DNAAF2: variants seen among roughly 807,000 people sequenced by gnomAD.
The protein encoded by DNAAF2 is protein kintoun.
In DNAAF2, 58 loss-of-function variants were observed where a neutral mutation model predicts 48.8. The observed-to-expected ratio is 1.19, with a 90% confidence interval of 0.96 to 1.48. The LOEUF is 1.48. DNAAF2 is among the 40% of genes most tolerant of loss of function. The probability of loss-of-function intolerance (pLI) is 0.00; values close to 1 mark genes in which losing one functional copy is unlikely to be tolerated. For synonymous variants in DNAAF2, 567 were observed against 481.2 expected (o/e 1.18, Z -2.33); for missense variants, 1,241 against 1,116.1 (o/e 1.11, Z -1.59).
chr14:49,635,170 C>T lies in DNAAF2; in HGVS notation c.-21G>A. 1 of 1,551,186 alleles carries T rather than the reference C, an allele frequency of 6.4e-7. No individual in the cohort carries two copies. Among genetic ancestry groups the T allele is most frequent in the South Asian group, 1.2e-5 (1 of 84,102 alleles). On this transcript the variant is annotated 5_prime_UTR_variant, in exon 1 of 3. Coordinates refer to ENST00000298292, the MANE Select transcript of DNAAF2 (RefSeq NM_018139.3). ...GCCATACTGTCCTGTGGCTCCTCGC[C>T]CTCGGGCCAAAGGCGATCAGTCTGA...
Position 49,634,453 on chromosome 14 carries a change from C to T in DNAAF2, c.697G>A (p.Ala233Thr), listed in dbSNP as rs761407249. ...GGGGAGGGCGCCCGGGGCCCGGGGGCTGCCGGGTACTGGTAAGGGTAGGGG... is the reference window on the plus strand; with the variant it reads ...GGGGAGGGCGCCCGGGGCCCGGGGGTTGCCGGGTACTGGTAAGGGTAGGGG... ...DFPYPYQYPA[A>T]PGPRAPSPPE... The change falls in exon 1 of 3, where the codon GCC becomes ACC. Residue 233 changes from alanine (A) to threonine (T), a missense_variant. Physicochemically the swap from Ala to Thr is moderately conservative, Grantham distance 58. Coordinates refer to ENST00000298292, the MANE Select transcript of DNAAF2 (RefSeq NM_018139.3). The T allele has an allele frequency of 2.1e-5, 33 of 1,557,856 alleles. No individual in the cohort carries two copies. The highest frequency in any genetic ancestry group is 2.5e-5 in the Non-Finnish European group (29 of 1,155,438).
In DNAAF2 at chr14:49,634,281, G is replaced by A; in HGVS notation, c.869C>T (p.Pro290Leu). 8.7e-6 allele frequency: 14 copies of A among 1,612,190 alleles called. No individual in the cohort carries two copies. Among genetic ancestry groups the A allele is most frequent in the Non-Finnish European group, 1.1e-5 (13 of 1,179,788 alleles). The change falls in exon 1 of 3, where the codon CCG (proline) becomes CTG (leucine). Residue 290 changes from proline to leucine, a missense_variant. By Grantham distance (98) the Pro-to-Leu change is moderately conservative. Coordinates refer to ENST00000298292, the MANE Select transcript of DNAAF2 (RefSeq NM_018139.3). ...PHELVITIEL[P>L]LLRSAEQAAL... ...CGCCTGCTCGGCCGAGCGCAACAGC[G>A]GCAGTTCGATGGTGATCACCAGCTC...
At position 49,625,846 on chromosome 14, in the gene DNAAF2, T is replaced by C. The variant is rs1464478551; in HGVS notation, c.2210A>G (p.Gln737Arg). Residue 737 changes from glutamine (Q) to arginine (R), a missense_variant, in exon 3 of 3, where the codon CAA becomes CGA. By Grantham distance (43) the Gln-to-Arg change is conservative. Coordinates refer to ENST00000298292, the MANE Select transcript of DNAAF2 (RefSeq NM_018139.3). ...CFQQESLDVSQMILGKSQQPE... is the reference protein window; with the variant it reads ...CFQQESLDVSRMILGKSQQPE... ...TTGCTGAGATTTTCCAAGTATCATT[T>C]GAGAAACATCAAGAGACTCTTGTTG... 6.2e-7 allele frequency: 1 copy of C among 1,609,926 alleles called. No individual in the cohort carries two copies. The highest frequency in any genetic ancestry group is 8.5e-7 in the Non-Finnish European group (1 of 1,178,868).
At chr14:49,626,864 G>A (rs1439422664) in intron 2 of DNAAF2, among the ~76,000 whole-genome samples, 1 of 133,620 alleles carries the variant, frequency 7.5e-6, no homozygotes, top group East Asian at 2.1e-4. Flanking sequence ...GGAGTGCAGT[G>A]GCGCAATCTT....
intron 2 of DNAAF2, among the ~76,000 whole-genome samples, chr14:49,627,799 G>A (rs867324463): frequency 2.6e-4 from 39 of 151,298 alleles, no homozygotes; most frequent in African/African-American, 9.5e-4. Flanking sequence ...AGGTTGCAGT[G>A]AGATGAGATC....
chr14:49,634,679 G>A lies in DNAAF2; in HGVS notation c.471C>T (p.His157=), dbSNP rs886050528. The change falls in exon 1 of 3, where the codon CAC becomes CAT. Residue 157 remains histidine (H), a synonymous_variant. Coordinates refer to ENST00000298292, the MANE Select transcript of DNAAF2 (RefSeq NM_018139.3). ...HPDALALARR[H]EGFRQMLDAT... is the part of the protein sequence containing the mutation. ...CGTCCAGCATCTGGCGGAAGCCCTC[G>A]TGCCGCCGGGCCAGCGCAAGCGCGT... is the stretch of plus-strand genomic sequence containing the variant. The A allele has an allele frequency of 2.5e-6, 4 of 1,606,074 alleles. No individual in the cohort carries two copies. Among genetic ancestry groups the A allele is most frequent in the Non-Finnish European group, 1.7e-6 (2 of 1,179,632 alleles).
chr14:49,626,880 A>G (rs1883024012), intron 2 of DNAAF2, among the ~76,000 whole-genome samples: 1 of 123,530 alleles, frequency 8.1e-6, no homozygotes, highest in South Asian at 2.6e-4. Flanking sequence ...ATCTTGGCTT[A>G]CTGCAATCTT....
At chr14:49,626,105 G>C in intron 2 of DNAAF2, 57 bp from the exon 3 acceptor site, 1 of 1,299,692 alleles carries the variant, frequency 7.7e-7, no homozygotes, top group South Asian at 2.2e-5. Context: ...AAATTAAATT[G>C]TACTACCCTC....
rs200327783 is a variant in DNAAF2 at position 49,633,733 on chromosome 14, G to A, written c.1417C>T (p.Arg473Trp). 7.6e-4 allele frequency: 1,210 copies of A among 1,594,842 alleles called. 4 individuals carry two copies. The highest frequency in any genetic ancestry group is 1.7e-3 in the South Asian group (151 of 89,726). The change falls in exon 1 of 3, where the codon CGG becomes TGG. Residue 473 changes from arginine to tryptophan, a missense_variant. Transcript: ENST00000298292. ...GGGGSPCLSS[R>W]SLAWGSSAGR... ...GCAGAAGAACCCCACGCCAGGCTCC[G>A]GGAGGACAAACAAGGGGAGCCTCCG...
Position 49,633,561 on chromosome 14 carries a change from T to G in DNAAF2, c.1589A>C (p.Asp530Ala), listed in dbSNP as rs1419786871. 1.2e-6 allele frequency: 2 copies of G among 1,614,040 alleles called. No individual in the cohort carries two copies. The highest frequency in any genetic ancestry group is 1.1e-5 in the South Asian group (1 of 91,088). ...PLCPPLLCNQDKETLTLLIQV... is the reference protein window; with the variant it reads ...PLCPPLLCNQAKETLTLLIQV... ...AATGAGCAGAGTCAAGGTTTCTTTG[T>G]CCTGATTACACAGTAACGGAGGACA... is the stretch of plus-strand genomic sequence containing the variant. Residue 530 changes from aspartate to alanine, a missense_variant, in exon 1 of 3, where the codon GAC (aspartate) becomes GCC (alanine). Transcript: ENST00000298292.
chr14:49,625,975 T>A lies in DNAAF2; in HGVS notation c.2081A>T (p.Glu694Val). The A allele has an allele frequency of 6.2e-7, 1 of 1,601,520 alleles. No individual in the cohort carries two copies. Among genetic ancestry groups the A allele is most frequent in the Non-Finnish European group, 8.5e-7 (1 of 1,176,190 alleles). Reference protein sequence around the residue: ...ERVNEESHLTEKEYIEHCNTP... With the variant: ...ERVNEESHLTVKEYIEHCNTP... ...GTTACAATGTTCTATATATTCCTTT[T>A]CAGTTAGATGACTTTCTTCATTTAC... Residue 694 changes from glutamate (E) to valine (V), a missense_variant, in exon 3 of 3, where the codon GAA becomes GTA. Glu to Val is a moderately radical substitution (Grantham distance 121). Transcript: ENST00000298292.
At chr14:49,627,067 G>A (rs1186348629) in intron 2 of DNAAF2, among the ~76,000 whole-genome samples, 1 of 152,048 alleles carries the variant, frequency 6.6e-6, no homozygotes, top group African/African-American at 2.4e-5. Flanking sequence ...GTCTCCCAAA[G>A]TGCTGGGATT....
intron 2 of DNAAF2, among the ~76,000 whole-genome samples, chr14:49,626,509 C>T (rs1171294910): frequency 1.3e-5 from 2 of 152,092 alleles, no homozygotes; most frequent in East Asian, 1.9e-4. Context: ...AGACAGGCAG[C>T]ATTTGAAGGA....
intron 1 of DNAAF2, among the ~76,000 whole-genome samples, 166 bp downstream of exon 1, chr14:49,633,121 C>A (rs767147708): frequency 1.3e-5 from 2 of 151,940 alleles, no homozygotes; most frequent in Non-Finnish European, 2.9e-5. Flanking sequence ...GGGATTTCAC[C>A]GTATTGGCCA....
chr14:49,633,544 G>A lies in DNAAF2; in HGVS notation c.1606C>T (p.Leu536=), dbSNP rs1289754130. Residue 536 remains leucine (L), a synonymous_variant, in exon 1 of 3, where the codon CTG becomes TTG. Coordinates refer to ENST00000298292, the MANE Select transcript of DNAAF2 (RefSeq NM_018139.3). ...TGGATCCGAGGCACCTGAATGAGCA[G>A]AGTCAAGGTTTCTTTGTCCTGATTA... The part of the protein sequence containing the change: ...LCNQDKETLT[L]LIQVPRIQPQ... 3 of 1,614,050 alleles carry A rather than the reference G, an allele frequency of 1.9e-6. No individual in the cohort carries two copies. Among genetic ancestry groups the A allele is most frequent in the Admixed American group, 3.3e-5 (2 of 60,026 alleles).
rs3007041 is a variant in DNAAF2, at chr14:49,627,712, A to G, written c.2007+300T>C. Among the ~76,000 whole-genome samples the G allele has an allele frequency of 0.7, 105,974 of 151,768 alleles. 38,247 individuals carry two copies. The highest frequency in any genetic ancestry group is 0.76 in the Non-Finnish European group (51,863 of 67,928). ...CTACTAAAAATACAAAAAATTAGCC[A>G]GGCATGGTAGCATGCTCCTGTAGTC... On this transcript the variant is annotated intron_variant, in intron 2 of 2. Coordinates refer to ENST00000298292, the MANE Select transcript of DNAAF2 (RefSeq NM_018139.3).
At position 49,626,963 on chromosome 14, in the gene DNAAF2, G is replaced by A. The variant is rs1030597409; in HGVS notation, c.2008-915C>T. 4.6e-5 allele frequency among the ~76,000 whole-genome samples: 7 copies of A among 151,788 alleles called. No individual in the cohort carries two copies. In the South Asian group the frequency reaches 8.4e-4, roughly 18 times the overall value. On this transcript the variant is annotated intron_variant, in intron 2 of 2. Coordinates refer to ENST00000298292, the MANE Select transcript of DNAAF2 (RefSeq NM_018139.3). ...TGAGATTACAGGTGCCTGCCATGAC[G>A]CCCGGCTAATTTTTATATTTTTAGT... is the stretch of plus-strand genomic sequence containing the variant.
Position 49,634,753 on chromosome 14 carries a change from C to G in DNAAF2, c.397G>C (p.Gly133Arg), listed in dbSNP as rs1369296094. The G allele has an allele frequency of 2.5e-6, 4 of 1,600,886 alleles. No homozygotes were observed. The South Asian group carries it at 4.4e-5, about 18-fold the overall frequency. Residue 133 changes from glycine (G) to arginine (R), a missense_variant, in exon 1 of 3, where the codon GGG becomes CGG. Transcript: ENST00000298292. ...ACCATGTAGCGGCTGCTGCTGCGCC[C>G]CGCGTACTCGCGGCCGGGCGCCAGG... is the stretch of plus-strand genomic sequence containing the variant. ...YSLAPGREYA[G>R]RSSSRYMVYD... is the part of the protein sequence containing the mutation.
intron 1 of DNAAF2, among the ~76,000 whole-genome samples, chr14:49,631,256 T>C (rs1328398101): frequency 6.6e-6 from 1 of 152,196 alleles, no homozygotes. Flanking sequence ...TTTGACTCCT[T>C]GCAAATAATA....
Sources: gnomAD v4.1 joint callset for allele counts (sites outside exome capture counted in the v4.1 genomes callset) on GRCh38, gnomAD v4.1.1 for gene constraint, MANE v1.5 for transcripts, NCBI Gene and HGNC (gene_info 2026-07-23, HGNC 2026-07-21) for gene names.